Variants in TMEM266 observed in about 807,000 individuals in gnomAD.
TMEM266 encodes the protein Hv1 related protein 1.
A neutral mutation model predicts 50.5 loss-of-function variants in TMEM266; 33 were observed. The observed-to-expected ratio is 0.65, with a 90% CI of 0.50 to 0.87. The LOEUF is 0.87. TMEM266 is among the 40% of genes least tolerant of loss of function. The pLI is 0.00. For missense variants in TMEM266, 655 were observed against 695.1 expected, an observed-to-expected ratio of 0.94 and a Z score of 0.65; for synonymous variants, 310 against 292.3, an observed-to-expected ratio of 1.06 and a Z score of -0.62.
chr15:76,134,206 G>T lies in TMEM266; in HGVS notation c.-58G>T. 1 of 1,582,446 alleles carries T rather than the reference G, an allele frequency of 6.3e-7. No homozygotes were observed. The highest frequency in any genetic ancestry group is 1.1e-5 in the South Asian group (1 of 89,856). ...TATGTGTCTTGTAGAACCCACGCTT[G>T]GAAATGCTGACAGCAGGCTTCAGGA... is the stretch of plus-strand genomic sequence containing the variant. On this transcript the variant is annotated 5_prime_UTR_variant, in exon 2 of 11. An upstream open reading frame in the 5' UTR gains an earlier in-frame stop. Coordinates refer to ENST00000388942, the MANE Select transcript of TMEM266 (RefSeq NM_152335.3).
intron 1 of TMEM266, among the ~76,000 whole-genome samples, chr15:76,085,448 A>G (rs1596094082): frequency 6.7e-6 from 1 of 150,130 alleles, no homozygotes; most frequent in South Asian, 2.1e-4. Context: ...TAGTAGAGAC[A>G]GTGGTTTTAC....
At chr15:76,088,255 A>G (rs1473426862) in intron 1 of TMEM266, among the ~76,000 whole-genome samples, 3 of 152,224 alleles carry the variant, frequency 2.0e-5, no homozygotes, top group Non-Finnish European at 4.4e-5. Flanking sequence ...GAGGAAGATG[A>G]AAATAGATGG....
chr15:76,195,116 C>T (rs2038635344), intron 9 of TMEM266, among the ~76,000 whole-genome samples: 1 of 152,198 alleles, frequency 6.6e-6, no homozygotes, highest in South Asian at 2.1e-4. Context: ...TACCAGACTT[C>T]TCTTCATGCT....
intron 7 of TMEM266, chr15:76,174,878 A>T (rs2038249198): frequency 6.6e-6 from 1 of 152,068 alleles, no homozygotes; most frequent in Non-Finnish European, 1.5e-5. Context: ...GCCAAGTAGT[A>T]CTCCACTGCA....
chr15:76,082,383 T>C (rs2036708215), intron 1 of TMEM266, among the ~76,000 whole-genome samples: 1 of 152,150 alleles, frequency 6.6e-6, no homozygotes, highest in Non-Finnish European at 1.5e-5. Context: ...TTTCATTCAT[T>C]AACAGTGGTA....
chr15:76,169,833 G>A lies in TMEM266; in HGVS notation c.474G>A (p.Val158=), dbSNP rs758453308. 1.9e-6 allele frequency: 3 copies of A among 1,613,980 alleles called. No homozygotes were observed. The highest frequency in any genetic ancestry group is 2.5e-6 in the Non-Finnish European group (3 of 1,179,952). ...TTCCTCAGACTGTTCTACGGATTGT[G>A]GTGCTTGGGATCTGGGATTACATCG... Residue 158 remains valine (V), a synonymous_variant, in exon 6 of 11, where the codon GTG becomes GTA. Coordinates refer to ENST00000388942, the MANE Select transcript of TMEM266 (RefSeq NM_152335.3).
chr15:76,127,828 T>G (rs1375804914), intron 1 of TMEM266, among the ~76,000 whole-genome samples: 1 of 152,184 alleles, frequency 6.6e-6, no homozygotes, highest in Non-Finnish European at 1.5e-5. Flanking sequence ...AACTTTCTGA[T>G]TCAGTAGATC....
At chr15:76,198,012 G>A (rs906925725) in intron 9 of TMEM266, among the ~76,000 whole-genome samples, 6 of 152,226 alleles carry the variant, frequency 3.9e-5, no homozygotes, top group South Asian at 4.1e-4. Flanking sequence ...GAAGAAAGGC[G>A]CCAGGCAGCA....
chr15:76,093,384 C>T (rs145332208), intron 1 of TMEM266, among the ~76,000 whole-genome samples: 7,300 of 151,126 alleles, frequency 0.048, 564 homozygotes, highest in African/African-American at 0.16. Flanking sequence ...TGAGAACATG[C>T]GGTGTTTGAT....
chr15:76,085,786 C>T (rs2036767793), intron 1 of TMEM266, among the ~76,000 whole-genome samples: 1 of 152,140 alleles, frequency 6.6e-6, no homozygotes, highest in South Asian at 2.1e-4. Flanking sequence ...GTGGCTTACA[C>T]CTGTAATCCC....
intron 1 of TMEM266, among the ~76,000 whole-genome samples, chr15:76,077,931 A>T (rs1445370852): frequency 6.6e-6 from 1 of 152,070 alleles, no homozygotes; most frequent in East Asian, 1.9e-4. Flanking sequence ...ACACATGGTA[A>T]ATGGGGATTT....
At chr15:76,097,517 C>T (rs1279333826) in intron 1 of TMEM266, among the ~76,000 whole-genome samples, 1 of 152,022 alleles carries the variant, frequency 6.6e-6, no homozygotes, top group Non-Finnish European at 1.5e-5. Flanking sequence ...ACCTTTCTGG[C>T]TGCCCTTAAC....
At chr15:76,100,559 C>T (rs904959385) in intron 1 of TMEM266, among the ~76,000 whole-genome samples, 1 of 152,200 alleles carries the variant, frequency 6.6e-6, no homozygotes, top group African/African-American at 2.4e-5. Flanking sequence ...GCCTTGGTGC[C>T]ATGCCCTGCC....
At chr15:76,062,110 C>T (rs1596076556) in intron 1 of TMEM266, among the ~76,000 whole-genome samples, 1 of 152,264 alleles carries the variant, frequency 6.6e-6, no homozygotes, top group East Asian at 1.9e-4. Flanking sequence ...TTAGAAATTG[C>T]TGTAGTTGCA....
chr15:76,180,006 G>C (rs924425763), intron 8 of TMEM266, among the ~76,000 whole-genome samples: 2 of 152,138 alleles, frequency 1.3e-5, no homozygotes, highest in Non-Finnish European at 2.9e-5. Flanking sequence ...TTGCTCTCTT[G>C]CTGGGGTGTG....
At chr15:76,112,829 T>C (rs1266222106) in intron 1 of TMEM266, 1 of 152,150 alleles carries the variant, frequency 6.6e-6, no homozygotes, top group African/African-American at 2.4e-5. Flanking sequence ...CTAGAGTAGA[T>C]GGTATGTGAG....
intron 1 of TMEM266, among the ~76,000 whole-genome samples, chr15:76,120,177 C>T (rs1028243932): frequency 6.7e-6 from 1 of 149,476 alleles, no homozygotes; most frequent in African/African-American, 2.5e-5. Context: ...GAAATGTGTA[C>T]AAGAATGTTT....
At chr15:76,174,416 T>TGG (rs2038239087) in intron 7 of TMEM266, among the ~76,000 whole-genome samples, 2 of 152,124 alleles carry the variant, frequency 1.3e-5, no homozygotes. Flanking sequence ...CCAGGCGTGG[T>TGG]GGCGGGTGCC....
At position 76,096,581 on chromosome 15, in the gene TMEM266, T is replaced by C. The variant is rs529171905; in HGVS notation, c.-97+36565T>C. ...GTGGTGCTGAGAAGAATGTATATTCTGTTGATTTGGGGTAGAGAGTTCTGT... is the reference window on the plus strand; with the variant it reads ...GTGGTGCTGAGAAGAATGTATATTCCGTTGATTTGGGGTAGAGAGTTCTGT... On this transcript the variant is annotated intron_variant, in intron 1 of 10. Transcript: ENST00000388942. Among the ~76,000 whole-genome samples, 116 of 152,210 alleles carry C rather than the reference T, an allele frequency of 7.6e-4. 3 individuals are homozygous for C. Among genetic ancestry groups the C allele is most frequent in the African/African-American group, 2.7e-3 (112 of 41,568 alleles).
Sources: allele counts gnomAD v4.1 joint callset (sites outside exome capture counted in the v4.1 genomes callset), GRCh38; gene constraint gnomAD v4.1.1; transcripts MANE v1.5; gene names NCBI Gene and HGNC (gene_info 2026-07-23, HGNC 2026-07-21).